The following APP variants were observed in gnomAD, a reference collection of about 807,000 sequenced individuals.
APP encodes the protein amyloid-beta precursor protein.
A neutral mutation model predicts 101.4 loss-of-function variants in APP; 31 were observed. That is an observed-to-expected ratio of 0.31 (90% CI 0.23 to 0.41). APP has a LOEUF of 0.41. Ranked by LOEUF, APP falls within the 10% of genes least tolerant of loss-of-function variation. The pLI, the probability that APP is intolerant of heterozygous loss-of-function variation, is 1.00. For synonymous variants in APP, 366 were observed against 364.4 expected (o/e 1.00, Z -0.05); for missense variants, 839 against 1,003.7 (o/e 0.84, Z 2.22).
At chr21:26,056,950 G>A (rs996139362) in intron 3 of APP, among the ~76,000 whole-genome samples, 9 of 152,156 alleles carry the variant, frequency 5.9e-5, no homozygotes, top group African/African-American at 2.2e-4. Flanking sequence ...TTTAATAAGC[G>A]TTAAGAGTGC....
intron 1 of APP, among the ~76,000 whole-genome samples, chr21:26,164,687 C>G (rs1178754354): frequency 2.0e-5 from 3 of 152,012 alleles, no homozygotes; most frequent in African/African-American, 4.8e-5. Flanking sequence ...AACCCCATCT[C>G]TACTTAAAAA....
chr21:25,970,495 C>T (rs774395316), intron 11 of APP, among the ~76,000 whole-genome samples: 10 of 152,134 alleles, frequency 6.6e-5, no homozygotes, highest in Non-Finnish European at 1.5e-4. Context: ...AATGATCACA[C>T]GGCTCCTCTC....
At chr21:26,072,880 G>GA (rs1224953176) in intron 3 of APP, among the ~76,000 whole-genome samples, 1 of 152,142 alleles carries the variant, frequency 6.6e-6, no homozygotes, top group Non-Finnish European at 1.5e-5. Context: ...AGCCAACAGA[G>GA]AAAAATGGAA....
intron 13 of APP, among the ~76,000 whole-genome samples, chr21:25,930,520 CAA>C (rs1399789430): frequency 2.6e-5 from 4 of 151,970 alleles, no homozygotes; most frequent in African/African-American, 9.7e-5. Flanking sequence ...GAATTTCATT[CAA>C]AGAGCCTAAA....
chr21:25,916,233 C>T (rs1053207992), intron 13 of APP, among the ~76,000 whole-genome samples: 4 of 152,162 alleles, frequency 2.6e-5, no homozygotes, highest in African/African-American at 9.7e-5. Context: ...AACTCCTGAC[C>T]TCAGGCGATC....
chr21:26,121,216 T>C (rs2062561768), intron 1 of APP, among the ~76,000 whole-genome samples: 1 of 152,132 alleles, frequency 6.6e-6, no homozygotes, highest in Admixed American at 6.5e-5. Context: ...TGTGTAAGAG[T>C]TATGAGCTCT....
intron 15 of APP, among the ~76,000 whole-genome samples, chr21:25,898,652 T>C (rs2038239373): frequency 6.6e-6 from 1 of 152,222 alleles, no homozygotes; most frequent in South Asian, 2.1e-4. Context: ...TTTTTTTACA[T>C]GAAGCCAGAA....
intron 3 of APP, among the ~76,000 whole-genome samples, chr21:26,084,012 CA>C (rs886218089): frequency 6.6e-6 from 1 of 151,910 alleles, no homozygotes; most frequent in African/African-American, 2.4e-5. Flanking sequence ...TGAAAAGAAA[CA>C]AAACTGGAAA....
At chr21:26,099,423 A>G (rs2062012286) in intron 2 of APP, among the ~76,000 whole-genome samples, 1 of 152,260 alleles carries the variant, frequency 6.6e-6, no homozygotes, top group Non-Finnish European at 1.5e-5. Flanking sequence ...TTTTATGTGT[A>G]GCACATCATA....
At chr21:25,988,702 C>CAAAAAAAAAAAAAAAAAAAAAAAAA (rs537417600) in intron 8 of APP, among the ~76,000 whole-genome samples, 10 of 62,370 alleles carry the variant, frequency 1.6e-4, no homozygotes, top group African/African-American at 6.4e-4. Flanking sequence ...AACTCTGTCT[C>CAAAAAAAAAAAAAAAAAAAAAAAAA]AAAAAAAAAA....
intron 1 of APP, among the ~76,000 whole-genome samples, chr21:26,147,636 A>C (rs146637023): frequency 0.01 from 1,547 of 152,284 alleles, 17 homozygotes; most frequent in Non-Finnish European, 0.017. Context: ...TGGCTCAATC[A>C]ATTTATTAGA....
chr21:25,993,283 AC>A (rs1167495606), intron 8 of APP, among the ~76,000 whole-genome samples: 3 of 62,352 alleles, frequency 4.8e-5, no homozygotes, highest in South Asian at 8.0e-4. Context: ...ACACCTCTGC[AC>A]AAACTATAAG....
At chr21:26,063,265 C>T (rs1350502530) in intron 3 of APP, among the ~76,000 whole-genome samples, 2 of 152,106 alleles carry the variant, frequency 1.3e-5, no homozygotes, top group Non-Finnish European at 2.9e-5. Context: ...AATATAAATA[C>T]AACTAGTTAG....
intron 6 of APP, among the ~76,000 whole-genome samples, chr21:26,012,077 C>A (rs1390339295): frequency 9.1e-6 from 1 of 109,992 alleles, no homozygotes; most frequent in Admixed American, 8.7e-5. Context: ...GTGATCACGG[C>A]TCACTGCAGG....
chr21:26,162,437 T>G (rs1310687828), intron 1 of APP, among the ~76,000 whole-genome samples: 1 of 152,248 alleles, frequency 6.6e-6, no homozygotes, highest in Non-Finnish European at 1.5e-5. Context: ...TAAAGCCATT[T>G]TCTTTACTTT....
At chr21:25,979,798 TAA>T (rs1483982520) in intron 9 of APP, among the ~76,000 whole-genome samples, 2 of 147,374 alleles carry the variant, frequency 1.4e-5, no homozygotes, top group African/African-American at 5.1e-5. Flanking sequence ...AATCCAGGAT[TAA>T]AAAAACACAC....
intron 11 of APP, among the ~76,000 whole-genome samples, chr21:25,963,655 G>C (rs1052304542): frequency 6.6e-6 from 1 of 152,116 alleles, no homozygotes; most frequent in African/African-American, 2.4e-5. Context: ...AAGAAATCTT[G>C]AGCATATAAA....
chr21:26,066,632 C>T (rs1217864232), intron 3 of APP, among the ~76,000 whole-genome samples: 1 of 152,074 alleles, frequency 6.6e-6, no homozygotes, highest in Admixed American at 6.6e-5. Flanking sequence ...GACTAGCTTG[C>T]TGTGTCCTTT....
chr21:25,969,833 T>TGAAAAGAAAAGAAAA (rs200205249), intron 11 of APP, among the ~76,000 whole-genome samples: 69 of 117,496 alleles, frequency 5.9e-4, no homozygotes, highest in African/African-American at 1.8e-3. Context: ...AGCAAGACCC[T>TGAAAAGAAAAGAAAA]GAAAAGAAAA....
Sources: allele counts gnomAD v4.1 joint callset (sites outside exome capture counted in the v4.1 genomes callset), GRCh38; gene constraint gnomAD v4.1.1; transcripts MANE v1.5; gene names NCBI Gene and HGNC (gene_info 2026-07-23, HGNC 2026-07-21).